Variants in LMBR1L observed in about 807,000 individuals in gnomAD.
LMBR1L encodes protein LMBR1L.
LMBR1L carries 47 observed loss-of-function variants against 67.3 expected under a neutral mutation model. The ratio of observed to expected loss-of-function variants is 0.70; its 90% CI spans 0.55 to 0.89. The LOEUF (loss-of-function observed/expected upper bound fraction) is 0.89. LMBR1L is among the 40% of genes least tolerant of loss of function. LMBR1L has a pLI of 0.00. For missense variants in LMBR1L, 533 were observed against 599.2 expected (o/e 0.89, Z 1.15); for synonymous variants, 247 against 250.3 (o/e 0.99, Z 0.13).
intron 8 of LMBR1L, 55 bp downstream of exon 8, chr12:49,102,832 C>T: frequency 6.6e-7 from 1 of 1,517,444 alleles, no homozygotes; most frequent in Non-Finnish European, 9.2e-7. Context: ...TTGTTTGGTT[C>T]CAGCTCTGCA....
intron 6 of LMBR1L, among the ~76,000 whole-genome samples, 162 bp from the exon 7 acceptor site, chr12:49,103,321 G>A (rs1370594312): frequency 6.6e-6 from 1 of 152,046 alleles, no homozygotes; most frequent in Non-Finnish European, 1.5e-5. Context: ...GGAGTGGCAG[G>A]GCCTATAGTA....
rs1304105530 is a variant in LMBR1L at position 49,097,998 on chromosome 12, AGAGTGTG to A, written c.1341_1347del (p.Thr448ValfsTer3). 1 of 1,614,000 alleles carries A rather than the reference AGAGTGTG, an allele frequency of 6.2e-7. No homozygotes were observed. Among genetic ancestry groups the A allele is most frequent in the Non-Finnish European group, 8.5e-7 (1 of 1,179,974 alleles). ...GCTGCAGTGAAGGTCTTCACCAGAC[AGAGTGTG>A]GTGAGGCCTGCAAAGGCTGCGTTGT... On this transcript the variant is annotated frameshift_variant, in exon 16 of 17. Transcript: ENST00000267102. LOFTEE classifies it high-confidence loss of function.
At chr12:49,108,269 A>G (rs1035632250) in intron 1 of LMBR1L, among the ~76,000 whole-genome samples, 1 of 150,650 alleles carries the variant, frequency 6.6e-6, no homozygotes, top group African/African-American at 2.5e-5. Flanking sequence ...TCTCAAAAAA[A>G]ATTACAAAAA....
rs575143385 is a variant in LMBR1L, at chr12:49,097,723, C to T, written c.1419G>A (p.Pro473=). ...CCTGGGGGAAACCGGAGACGGGCAG[C>T]GGCAGTCTGTCCAGCCCTGGAGAAG... ...LIRAFGLDRL[P]LPVSGFPQAS... Residue 473 remains proline (P), a synonymous_variant, in exon 17 of 17, where the codon CCG becomes CCA. Coordinates refer to ENST00000267102, the MANE Select transcript of LMBR1L (RefSeq NM_018113.4). 43 of 1,613,942 alleles carry T rather than the reference C, an allele frequency of 2.7e-5. 1 individual carries two copies. The African/African-American group carries it at 3.2e-4, about 12-fold the overall frequency.
chr12:49,104,262 G>A (rs1269226588), intron 5 of LMBR1L, 186 bp downstream of exon 5: 1 of 601,850 alleles, frequency 1.7e-6, no homozygotes, highest in East Asian at 2.8e-5. Flanking sequence ...GCTATTAGTG[G>A]GTTCTAGAAA....
chr12:49,100,322 G>T, intron 15 of LMBR1L, 66 bp downstream of exon 15: 1 of 1,196,592 alleles, frequency 8.4e-7, no homozygotes, highest in Non-Finnish European at 1.3e-6. Flanking sequence ...TATATAAAGT[G>T]CCTGCTTTGC....
Position 49,102,529 on chromosome 12 carries a change from G to A in LMBR1L, c.708C>T (p.Asp236=). ...KLLVKPRLLE[D]LEEQLYCSAF... ...CTGAGCAGTACAGCTGCTCCTCCAGGTCTTCCAGCAGCTAGGGGCAGGGGA... is the reference window on the plus strand; with the variant it reads ...CTGAGCAGTACAGCTGCTCCTCCAGATCTTCCAGCAGCTAGGGGCAGGGGA... The change falls in exon 9 of 17, where the codon GAC becomes GAT. Residue 236 remains aspartate, a synonymous_variant. Transcript: ENST00000267102. The A allele has an allele frequency of 1.2e-6, 2 of 1,614,078 alleles. No individual in the cohort carries two copies.
chr12:49,102,785 T>C (rs1940373178), intron 8 of LMBR1L, 102 bp downstream of exon 8: 1 of 1,120,508 alleles, frequency 8.9e-7, no homozygotes, highest in Admixed American at 1.8e-5. Context: ...TGTAGCTCTC[T>C]GCAAGTTGTG....
intron 1 of LMBR1L, among the ~76,000 whole-genome samples, chr12:49,109,402 C>A (rs766126890): frequency 3.9e-5 from 6 of 152,112 alleles, no homozygotes; most frequent in African/African-American, 7.2e-5. Context: ...GAGTTGCACA[C>A]ACAGACTAAT....
At chr12:49,108,690 C>T (rs1420814705) in intron 1 of LMBR1L, among the ~76,000 whole-genome samples, 6 of 151,376 alleles carry the variant, frequency 4.0e-5, no homozygotes, top group South Asian at 4.2e-4. Flanking sequence ...GCAGAGATAA[C>T]GCCACTGCAC....
chr12:49,097,659 C>T lies in LMBR1L; in HGVS notation c.*13G>A, dbSNP rs540826142. 236 of 1,612,704 alleles carry T rather than the reference C, an allele frequency of 1.5e-4. 1 individual carries two copies. The South Asian group carries it at 2.1e-3, about 14-fold the overall frequency. On this transcript the variant is annotated 3_prime_UTR_variant, in exon 17 of 17. Transcript: ENST00000267102. ...CAGTGTCCAGTTTTTTCCTTCCCACCCCCAGCTGGAGGTCACTGGTGCTGG... is the reference window on the plus strand; with the variant it reads ...CAGTGTCCAGTTTTTTCCTTCCCACTCCCAGCTGGAGGTCACTGGTGCTGG...
intron 1 of LMBR1L, chr12:49,110,193 G>C: frequency 7.4e-6 from 4 of 540,166 alleles, no homozygotes; most frequent in Non-Finnish European, 1.4e-5. Flanking sequence ...CTCAGACCCC[G>C]GAGACCCCCA....
intron 3 of LMBR1L, among the ~76,000 whole-genome samples, chr12:49,105,621 ACTCC>A (rs1045764522): frequency 6.7e-6 from 1 of 150,274 alleles, no homozygotes; most frequent in African/African-American, 2.5e-5. Flanking sequence ...TCCCCACTCC[ACTCC>A]CTCCCTATTG....
At chr12:49,110,349 G>T in intron 1 of LMBR1L, 135 bp downstream of exon 1, 1 of 794,766 alleles carries the variant, frequency 1.3e-6, no homozygotes. Context: ...CCGCCCTTCT[G>T]CCCGGACGGA....
chr12:49,098,222 T>G, intron 15 of LMBR1L, 117 bp from the exon 16 acceptor site: 2 of 1,054,338 alleles, frequency 1.9e-6, no homozygotes, highest in Non-Finnish European at 2.8e-6. Context: ...TAGGTTGGCC[T>G]CTCCCAATTC....
In LMBR1L at chr12:49,101,179, A is replaced by G. The variant is rs79258173; in HGVS notation, c.1082+71T>C. On this transcript the variant is annotated intron_variant, in intron 13 of 16. Transcript: ENST00000267102. ...AGTCCCAAAGGAGACAAAGTCCAAG[A>G]AGTGCTCGGTCTAGAGTCCCAGGAG... 8.2e-3 allele frequency: 13,222 copies of G among 1,613,300 alleles called. 913 individuals are homozygous for G. The East Asian group carries it at 0.19, about 23-fold the overall frequency.
Position 49,104,653 on chromosome 12 carries a change from T to C in LMBR1L, c.331+93A>G, listed in dbSNP as rs1940660116. The C allele has an allele frequency of 1.1e-5, 18 of 1,582,130 alleles. No individual in the cohort carries two copies. The South Asian group carries it at 1.4e-4, about 13-fold the overall frequency. ...AAGCAGAGTGGGAAGGTGCGACATA[T>C]GACTGCTTGGCGCACGGCTGCCTGA... On this transcript the variant is annotated intron_variant, in intron 4 of 16. Coordinates refer to ENST00000267102, the MANE Select transcript of LMBR1L (RefSeq NM_018113.4).
In LMBR1L at chr12:49,104,780, G is replaced by A. The variant is rs368841114; in HGVS notation, c.297C>T (p.Tyr99=). The part of the protein sequence containing the change: ...NEVLLSLPRN[Y]YIQWLNGSLI... ...GGGAGCCGTTGAGCCACTGGATGTA[G>A]TAGTTCCGAGGCAGGGAGAGCAGCA... Residue 99 remains tyrosine (Y), a synonymous_variant, in exon 4 of 17, where the codon TAC becomes TAT. Transcript: ENST00000267102. The A allele has an allele frequency of 1.9e-6, 3 of 1,613,808 alleles. No individual in the cohort carries two copies. The highest frequency in any genetic ancestry group is 1.7e-5 in the Admixed American group (1 of 59,964).
intron 8 of LMBR1L, 64 bp from the exon 9 acceptor site, chr12:49,102,604 A>T: frequency 1.3e-6 from 2 of 1,516,642 alleles, no homozygotes; most frequent in Non-Finnish European, 1.8e-6. Context: ...GCCCCAGGAG[A>T]ACCCTGTTCT....
Sources: allele counts gnomAD v4.1 joint callset (sites outside exome capture counted in the v4.1 genomes callset), GRCh38; gene constraint gnomAD v4.1.1; transcripts MANE v1.5; gene names NCBI Gene and HGNC (gene_info 2026-07-23, HGNC 2026-07-21).